The following RALYL variants were observed in gnomAD, a reference collection of about 807,000 sequenced individuals.
RALYL encodes RALY RNA binding protein like, also known as RNA-binding Raly-like protein.
RALYL carries 29 observed loss-of-function variants against 35.1 expected under a neutral mutation model. The ratio of observed to expected loss-of-function variants is 0.83; its 90% CI spans 0.61 to 1.13. The LOEUF (loss-of-function observed/expected upper bound fraction) is 1.13. Ranked by LOEUF, RALYL falls within the 50% of genes most tolerant of loss-of-function variation. The pLI, the probability that RALYL is intolerant of heterozygous loss-of-function variation, is 0.00. For missense variants in RALYL, 359 were observed against 360.4 expected (o/e 1.00, Z 0.03); for synonymous variants, 120 against 127.6 (o/e 0.94, Z 0.40).
At chr8:84,595,968 C>T (rs1417758942) in intron 2 of RALYL, among the ~76,000 whole-genome samples, 4 of 151,980 alleles carry the variant, frequency 2.6e-5, no homozygotes, top group Non-Finnish European at 4.4e-5. Context: ...CTCATTCTTT[C>T]CTTTCTGAGC....
chr8:84,463,876 C>G (rs145476043), intron 1 of RALYL, among the ~76,000 whole-genome samples: 2 of 151,906 alleles, frequency 1.3e-5, no homozygotes, highest in African/African-American at 2.4e-5. Context: ...GCCATCACCC[C>G]ATATATTTCC....
chr8:84,719,361 A>C (rs1589180207), intron 2 of RALYL, among the ~76,000 whole-genome samples: 2 of 152,162 alleles, frequency 1.3e-5, no homozygotes, highest in African/African-American at 4.8e-5. Context: ...TTTGTGAACT[A>C]TCTCTTGCCT....
In RALYL at chr8:84,862,311, C is replaced by G. The variant is rs375364868; in HGVS notation, c.429C>G (p.His143Gln). ...TTTTGTAAAGGTTATTTGATTACCA[C>G]GGGCGTGTGCCTCCACCTCCCCGTG... ...DDFYNRLFDYHGRVPPPPRAV... is the reference protein window; with the variant it reads ...DDFYNRLFDYQGRVPPPPRAV... Residue 143 changes from histidine (H) to glutamine (Q), a missense_variant, in exon 6 of 9, where the codon CAC becomes CAG. By Grantham distance (24) the His-to-Gln change is conservative. Coordinates refer to ENST00000521268, the MANE Select transcript of RALYL (RefSeq NM_173848.7). 6.3e-7 allele frequency: 1 copy of G among 1,582,578 alleles called. No homozygotes were observed. Among genetic ancestry groups the G allele is most frequent in the East Asian group, 2.4e-5 (1 of 42,300 alleles).
intron 1 of RALYL, among the ~76,000 whole-genome samples, chr8:84,274,441 A>C (rs1834952488): frequency 6.6e-6 from 1 of 152,206 alleles, no homozygotes; most frequent in African/African-American, 2.4e-5. Context: ...TAATCAGTAC[A>C]CAGTGCCCTG....
intron 2 of RALYL, among the ~76,000 whole-genome samples, chr8:84,597,837 A>G (rs1814944513): frequency 6.6e-6 from 1 of 152,150 alleles, no homozygotes; most frequent in Non-Finnish European, 1.5e-5. Context: ...GCAGAATTCA[A>G]TAGTTGCAAC....
chr8:84,748,464 A>T (rs1408123433), intron 2 of RALYL, among the ~76,000 whole-genome samples: 1 of 152,040 alleles, frequency 6.6e-6, no homozygotes, highest in Non-Finnish European at 1.5e-5. Context: ...CAAGGACAAG[A>T]TGATCTATTG....
At chr8:84,571,741 C>G (rs886542301) in intron 2 of RALYL, among the ~76,000 whole-genome samples, 10 of 151,708 alleles carry the variant, frequency 6.6e-5, no homozygotes, top group African/African-American at 2.4e-4. Flanking sequence ...TTTATGTAGG[C>G]AGTTAGTGAA....
At chr8:84,420,512 T>C (rs990893881) in intron 1 of RALYL, among the ~76,000 whole-genome samples, 4 of 149,524 alleles carry the variant, frequency 2.7e-5, no homozygotes, top group South Asian at 2.1e-4. Flanking sequence ...TTCACTCTGA[T>C]GGTAGTTTCT....
intron 1 of RALYL, among the ~76,000 whole-genome samples, chr8:84,355,622 T>G (rs892554529): frequency 1.3e-5 from 2 of 150,204 alleles, no homozygotes; most frequent in Non-Finnish European, 3.0e-5. Context: ...ATAAAGAGAA[T>G]GTGGTAGAGG....
intron 1 of RALYL, among the ~76,000 whole-genome samples, chr8:84,323,677 C>T (rs968325340): frequency 5.9e-5 from 9 of 151,340 alleles, no homozygotes; most frequent in Admixed American, 2.0e-4. Flanking sequence ...TAAATATCTT[C>T]AGATAAACCA....
chr8:84,341,641 G>C (rs1199124750), intron 1 of RALYL, among the ~76,000 whole-genome samples: 1 of 151,968 alleles, frequency 6.6e-6, no homozygotes, highest in East Asian at 1.9e-4. Context: ...TCAGAAGAAT[G>C]ACTGCTTGTT....
intron 2 of RALYL, among the ~76,000 whole-genome samples, chr8:84,551,268 A>C (rs1006633131): frequency 6.6e-6 from 1 of 152,126 alleles, no homozygotes; most frequent in Non-Finnish European, 1.5e-5. Context: ...TAACAACATA[A>C]CTTTTCACTG....
chr8:84,787,571 G>A (rs1819838203), intron 3 of RALYL, among the ~76,000 whole-genome samples: 1 of 152,152 alleles, frequency 6.6e-6, no homozygotes, highest in Non-Finnish European at 1.5e-5. Flanking sequence ...GATATTTCTG[G>A]TTCTAGATCC....
chr8:84,393,638 T>C (rs1253824114), intron 1 of RALYL, among the ~76,000 whole-genome samples: 1 of 152,086 alleles, frequency 6.6e-6, no homozygotes, highest in African/African-American at 2.4e-5. Flanking sequence ...GATTAATACA[T>C]CAAGAAGTCA....
intron 2 of RALYL, among the ~76,000 whole-genome samples, chr8:84,642,521 G>C (rs1001480763): frequency 6.6e-6 from 1 of 151,984 alleles, no homozygotes; most frequent in African/African-American, 2.4e-5. Context: ...ACAAGATAGA[G>C]AGCTTTAGAA....
At chr8:84,483,697 A>T (rs550033876) in intron 1 of RALYL, among the ~76,000 whole-genome samples, 1 of 152,138 alleles carries the variant, frequency 6.6e-6, no homozygotes, top group South Asian at 2.1e-4. Context: ...TTATCAAACT[A>T]CAACAGAGAT....
chr8:84,706,243 G>A (rs1406983301), intron 2 of RALYL, among the ~76,000 whole-genome samples: 2 of 152,062 alleles, frequency 1.3e-5, no homozygotes, highest in African/African-American at 2.4e-5. Context: ...GAGGGCAGAG[G>A]GGATAATTCG....
chr8:84,517,066 G>A (rs1303962461), intron 1 of RALYL, among the ~76,000 whole-genome samples: 8 of 152,100 alleles, frequency 5.3e-5, no homozygotes, highest in Non-Finnish European at 1.2e-4. Context: ...CAAATTTGTA[G>A]AAGAAATTTC....
At chr8:84,267,405 A>G (rs111271896) in intron 1 of RALYL, among the ~76,000 whole-genome samples, 3,259 of 152,248 alleles carry the variant, frequency 0.021, 45 homozygotes, top group Non-Finnish European at 0.031. Context: ...TATTTAAATT[A>G]TATATTGTGT....
Sources: gnomAD v4.1 joint callset for allele counts (sites outside exome capture counted in the v4.1 genomes callset) on GRCh38, gnomAD v4.1.1 for gene constraint, MANE v1.5 for transcripts, NCBI Gene and HGNC (gene_info 2026-07-23, HGNC 2026-07-21) for gene names.